The following CA10 variants were observed in gnomAD, a reference collection of about 807,000 sequenced individuals.
The protein encoded by CA10 is carbonic anhydrase-related protein 10.
CA10 carries 14 observed loss-of-function variants against 44.2 expected under a neutral mutation model. The ratio of observed to expected loss-of-function variants is 0.32; its 90% CI spans 0.21 to 0.50. The LOEUF (loss-of-function observed/expected upper bound fraction) is 0.50, where lower values mean the gene tolerates loss of function less well. CA10 is among the 20% of genes least tolerant of loss of function. The probability of loss-of-function intolerance (pLI) is 0.99; values close to 1 mark genes in which losing one functional copy is unlikely to be tolerated. For synonymous variants in CA10, 159 were observed against 141.6 expected (o/e 1.12, Z -0.87); for missense variants, 350 against 409.7 (o/e 0.85, Z 1.26).
At chr17:51,865,419 C>T (rs1018247756) in intron 3 of CA10, among the ~76,000 whole-genome samples, 1 of 152,122 alleles carries the variant, frequency 6.6e-6, no homozygotes, top group African/African-American at 2.4e-5. Context: ...CAGGGGGTTC[C>T]TCCTGCTGCC....
chr17:52,158,443 A>G lies in CA10; in HGVS notation c.-657T>C. ...AAGAGAGGCAGGGATTATTGCCCGAAACCGCCAGCCGCCGGCAGCCTCCGC... is the reference window on the plus strand; with the variant it reads ...AAGAGAGGCAGGGATTATTGCCCGAGACCGCCAGCCGCCGGCAGCCTCCGC... On this transcript the variant is annotated 5_prime_UTR_variant, in exon 1 of 9. Transcript: ENST00000451037. The G allele has an allele frequency of 6.4e-6, 1 of 156,616 alleles. No homozygotes were observed. Among genetic ancestry groups the G allele is most frequent in the Admixed American group, 6.4e-5 (1 of 15,524 alleles). 9.7% of individuals were successfully genotyped at this position (156,616 alleles called of 1,614,324 possible). A position where few individuals can be genotyped will look rare whatever the true frequency, so the allele number is the denominator to read the frequency against.
At chr17:51,705,195 C>A (rs1263966) in intron 4 of CA10, among the ~76,000 whole-genome samples, 56,671 of 151,884 alleles carry the variant, frequency 0.37, 10,859 homozygotes, top group Admixed American at 0.44. Context: ...TTCCGTGTGG[C>A]CCACTTGTAC....
chr17:51,844,982 C>G (rs1978426555), intron 3 of CA10, among the ~76,000 whole-genome samples: 1 of 152,108 alleles, frequency 6.6e-6, no homozygotes, highest in Non-Finnish European at 1.5e-5. Flanking sequence ...CAAAGAGATA[C>G]ACCGACAGAA....
At chr17:51,942,441 T>A (rs528659591) in intron 2 of CA10, among the ~76,000 whole-genome samples, 2 of 152,042 alleles carry the variant, frequency 1.3e-5, no homozygotes, top group African/African-American at 4.8e-5. Flanking sequence ...TATGATATAG[T>A]GTCTTGACCA....
intron 2 of CA10, among the ~76,000 whole-genome samples, chr17:52,053,872 C>T (rs1355150267): frequency 6.6e-6 from 1 of 152,118 alleles, no homozygotes; most frequent in African/African-American, 2.4e-5. Context: ...GGACACTTAT[C>T]ACTTCCCCAA....
intron 2 of CA10, among the ~76,000 whole-genome samples, chr17:51,979,832 G>A (rs969333695): frequency 6.6e-6 from 1 of 152,048 alleles, no homozygotes; most frequent in Non-Finnish European, 1.5e-5. Flanking sequence ...AGCGCCATCC[G>A]CGATCCTGCA....
At chr17:51,713,926 T>A (rs1414913451) in intron 4 of CA10, among the ~76,000 whole-genome samples, 1 of 152,236 alleles carries the variant, frequency 6.6e-6, no homozygotes, top group Non-Finnish European at 1.5e-5. Flanking sequence ...CTGACCTTCT[T>A]GTGGTCCTTG....
At chr17:52,119,854 AT>A (rs533878545) in intron 1 of CA10, among the ~76,000 whole-genome samples, 18 of 152,116 alleles carry the variant, frequency 1.2e-4, no homozygotes, top group South Asian at 2.1e-4. Flanking sequence ...AGCTGTTTTA[AT>A]TTTTTTTCCC....
At chr17:51,938,681 T>C (rs1470285267) in intron 2 of CA10, among the ~76,000 whole-genome samples, 2 of 152,072 alleles carry the variant, frequency 1.3e-5, no homozygotes, top group East Asian at 1.9e-4. Context: ...TGGTTCCAAG[T>C]GGTGACTGGC....
chr17:51,692,294 C>T (rs1368802502), intron 4 of CA10, among the ~76,000 whole-genome samples: 5 of 111,134 alleles, frequency 4.5e-5, no homozygotes, highest in African/African-American at 1.8e-4. Context: ...ATTCCTTTTT[C>T]AGATTGATCA....
chr17:51,666,259 G>C (rs1368745590), intron 4 of CA10, among the ~76,000 whole-genome samples: 1 of 152,210 alleles, frequency 6.6e-6, no homozygotes, highest in Non-Finnish European at 1.5e-5. Flanking sequence ...TGTGTAAGAG[G>C]AAGAGGCTGG....
At chr17:51,887,843 C>CA (rs59075793) in intron 3 of CA10, among the ~76,000 whole-genome samples, 2,719 of 83,612 alleles carry the variant, frequency 0.033, 71 homozygotes, top group African/African-American at 0.091. Context: ...ACTAAAAATA[C>CA]AAAAAAAAAA....
chr17:52,137,740 G>T (rs1312220886), intron 1 of CA10, among the ~76,000 whole-genome samples: 1 of 152,174 alleles, frequency 6.6e-6, no homozygotes, highest in Non-Finnish European at 1.5e-5. Flanking sequence ...ATCACGGGGT[G>T]AATAAAGTGG....
intron 3 of CA10, among the ~76,000 whole-genome samples, chr17:51,897,045 C>A (rs543838288): frequency 1.0e-3 from 157 of 152,052 alleles, no homozygotes; most frequent in African/African-American, 3.6e-3. Context: ...TTGATAGTTT[C>A]TTTTGCTGTT....
chr17:51,690,545 C>T (rs367972619), intron 4 of CA10, among the ~76,000 whole-genome samples: 4 of 152,138 alleles, frequency 2.6e-5, no homozygotes, highest in Admixed American at 1.3e-4. Context: ...GGGAGGTAAT[C>T]GAATCATGGG....
intron 3 of CA10, among the ~76,000 whole-genome samples, chr17:51,768,166 CT>C (rs59128137): frequency 0.28 from 39,819 of 141,642 alleles, 5,080 homozygotes; most frequent in Middle Eastern, 0.37. Flanking sequence ...TAAAGATGTG[CT>C]TTTTTTTTTT....
chr17:51,991,366 T>C lies in CA10; in HGVS notation c.137-60234A>G, dbSNP rs560832979. Among the ~76,000 whole-genome samples the C allele has an allele frequency of 1.2e-3, 182 of 152,308 alleles. 5 individuals are homozygous for C. In the South Asian group the frequency reaches 0.022, roughly 18 times the overall value. On this transcript the variant is annotated intron_variant, in intron 2 of 8. Coordinates refer to ENST00000451037, the MANE Select transcript of CA10 (RefSeq NM_020178.5). ...ATTTGTCCTTTAGATCTATTTCAGA[T>C]GTATTTCTTGCTGAATAATCTTTGT...
intron 3 of CA10, among the ~76,000 whole-genome samples, chr17:51,765,693 G>C (rs1232652102): frequency 1.3e-5 from 1 of 75,678 alleles, no homozygotes. Context: ...GCAGCTCCCT[G>C]TGTGTGTGTG....
intron 2 of CA10, among the ~76,000 whole-genome samples, chr17:52,054,769 C>T (rs927133948): frequency 6.6e-5 from 10 of 151,810 alleles, no homozygotes; most frequent in Non-Finnish European, 1.0e-4. Context: ...TGAATTTCCC[C>T]CGATAGATAT....
Sources: gnomAD v4.1 joint callset for allele counts (sites outside exome capture counted in the v4.1 genomes callset) on GRCh38, gnomAD v4.1.1 for gene constraint, MANE v1.5 for transcripts, NCBI Gene and HGNC (gene_info 2026-07-23, HGNC 2026-07-21) for gene names.